The following ADCY2 variants were observed in gnomAD, a reference collection of about 807,000 sequenced individuals.
ADCY2 encodes adenylate cyclase type 2.
A neutral mutation model predicts 125.2 loss-of-function variants in ADCY2; 31 were observed. That is an observed-to-expected ratio of 0.25 (90% CI 0.19 to 0.33). The LOEUF is 0.33. ADCY2 is among the 10% of genes least tolerant of loss of function. The pLI, the probability that ADCY2 is intolerant of heterozygous loss-of-function variation, is 1.00. For missense variants in ADCY2, 904 were observed against 1,418.2 expected (o/e 0.64, Z 5.82); for synonymous variants, 512 against 548.4 (o/e 0.93, Z 0.93).
At chr5:7,434,808 T>C (rs533579586) in intron 2 of ADCY2, among the ~76,000 whole-genome samples, 1 of 152,328 alleles carries the variant, frequency 6.6e-6, no homozygotes, top group South Asian at 2.1e-4. Context: ...ATTGTGGTTA[T>C]AAAGAGCCAA....
chr5:7,787,631 A>C (rs1390575904), intron 19 of ADCY2, among the ~76,000 whole-genome samples: 1 of 152,014 alleles, frequency 6.6e-6, no homozygotes, highest in Non-Finnish European at 1.5e-5. Flanking sequence ...ATTGCTTGGG[A>C]AGGTGATAGA....
At chr5:7,717,133 C>A in intron 11 of ADCY2, 24 bp from the exon 12 acceptor site, 1 of 1,474,990 alleles carries the variant, frequency 6.8e-7, no homozygotes, top group South Asian at 1.2e-5. Flanking sequence ...TATCCTTACC[C>A]ATAATATTCC....
At chr5:7,621,949 G>A (rs1737967844) in intron 3 of ADCY2, among the ~76,000 whole-genome samples, 1 of 151,966 alleles carries the variant, frequency 6.6e-6, no homozygotes, top group Non-Finnish European at 1.5e-5. Flanking sequence ...TAATCTTCAG[G>A]GTAAACCTTG....
intron 3 of ADCY2, among the ~76,000 whole-genome samples, chr5:7,547,898 C>T (rs1735200025): frequency 6.6e-6 from 1 of 152,188 alleles, no homozygotes; most frequent in South Asian, 2.1e-4. Flanking sequence ...TGGTGAAGCC[C>T]ATGGACAGCA....
At chr5:7,753,363 T>C (rs1392825851) in intron 15 of ADCY2, among the ~76,000 whole-genome samples, 1 of 152,126 alleles carries the variant, frequency 6.6e-6, no homozygotes, top group Non-Finnish European at 1.5e-5. Context: ...AGTGAGATGA[T>C]CAAGGAAGGG....
intron 18 of ADCY2, among the ~76,000 whole-genome samples, chr5:7,777,185 T>A (rs898773904): frequency 3.3e-5 from 5 of 152,294 alleles, no homozygotes; most frequent in Middle Eastern, 3.4e-3. Context: ...TCTGTCCTGT[T>A]TCACCCCGGA....
intron 3 of ADCY2, among the ~76,000 whole-genome samples, chr5:7,592,234 T>C (rs1249241990): frequency 6.6e-6 from 1 of 152,210 alleles, no homozygotes; most frequent in Non-Finnish European, 1.5e-5. Flanking sequence ...AATTCAAATA[T>C]AATTCATCTG....
intron 20 of ADCY2, among the ~76,000 whole-genome samples, chr5:7,791,042 GTT>G (rs35003423): frequency 9.9e-5 from 15 of 151,284 alleles, no homozygotes; most frequent in South Asian, 4.2e-4. Context: ...TTTCTGGTCA[GTT>G]TTTTTTTGGG....
intron 2 of ADCY2, among the ~76,000 whole-genome samples, chr5:7,500,774 T>C (rs1395207145): frequency 6.6e-6 from 1 of 151,276 alleles, no homozygotes; most frequent in Non-Finnish European, 1.5e-5. Context: ...ATGTGTTTCT[T>C]AGCTGTGGCC....
intron 2 of ADCY2, among the ~76,000 whole-genome samples, chr5:7,519,374 C>T (rs764917988): frequency 1.6e-4 from 24 of 152,178 alleles, no homozygotes; most frequent in Non-Finnish European, 2.8e-4. Context: ...AGCTGTGCAG[C>T]GCTTGAGCGT....
chr5:7,448,916 T>C (rs1741375936), intron 2 of ADCY2, among the ~76,000 whole-genome samples: 1 of 152,208 alleles, frequency 6.6e-6, no homozygotes, highest in Non-Finnish European at 1.5e-5. Context: ...TTTGTTATTG[T>C]GAATACTGCT....
intron 14 of ADCY2, among the ~76,000 whole-genome samples, chr5:7,732,096 A>G (rs1742122583): frequency 6.6e-6 from 1 of 152,208 alleles, no homozygotes; most frequent in African/African-American, 2.4e-5. Flanking sequence ...ATTTCAGTGT[A>G]TCTTTGCCAG....
intron 14 of ADCY2, among the ~76,000 whole-genome samples, chr5:7,740,697 A>G (rs985344858): frequency 1.1e-4 from 17 of 152,096 alleles, no homozygotes; most frequent in Non-Finnish European, 1.8e-4. Context: ...TAAAATTCAG[A>G]CTTCTGAGTT....
intron 17 of ADCY2, among the ~76,000 whole-genome samples, chr5:7,770,427 ATTAT>A (rs1040890017): frequency 4.1e-4 from 62 of 152,198 alleles, no homozygotes; most frequent in African/African-American, 1.5e-3. Context: ...GATAACTTTA[ATTAT>A]AACAGTGGTT....
intron 2 of ADCY2, among the ~76,000 whole-genome samples, chr5:7,444,111 C>CTTT (rs749823885): frequency 9.1e-5 from 9 of 99,386 alleles, no homozygotes; most frequent in Admixed American, 2.2e-4. Context: ...GTTTTTATCT[C>CTTT]TTTTTTTTTT....
chr5:7,474,727 G>C (rs1398472476), intron 2 of ADCY2, among the ~76,000 whole-genome samples: 1 of 152,210 alleles, frequency 6.6e-6, no homozygotes, highest in East Asian at 1.9e-4. Context: ...AAAGAAGCTT[G>C]GGTTTTACTG....
chr5:7,532,424 T>C (rs926324574), intron 3 of ADCY2, among the ~76,000 whole-genome samples: 1 of 152,220 alleles, frequency 6.6e-6, no homozygotes, highest in African/African-American at 2.4e-5. Flanking sequence ...CAAGTAGATT[T>C]CCACTTTACA....
At chr5:7,546,303 A>G (rs1735146376) in intron 3 of ADCY2, among the ~76,000 whole-genome samples, 2 of 152,202 alleles carry the variant, frequency 1.3e-5, no homozygotes, top group South Asian at 4.1e-4. Context: ...TACATCGATG[A>G]TAATAGAGAT....
At chr5:7,665,877 A>C (rs539269850) in intron 4 of ADCY2, among the ~76,000 whole-genome samples, 2,262 of 103,026 alleles carry the variant, frequency 0.022, 37 homozygotes, top group Admixed American at 0.031. Context: ...CTCGCTCTGT[A>C]GCCCAGGCTG....
Sources: allele counts gnomAD v4.1 joint callset (sites outside exome capture counted in the v4.1 genomes callset), GRCh38; gene constraint gnomAD v4.1.1; transcripts MANE v1.5; gene names NCBI Gene and HGNC (gene_info 2026-07-23, HGNC 2026-07-21).